The following GRM7 variants were observed in gnomAD, a reference collection of about 807,000 sequenced individuals.
GRM7 encodes the protein metabotropic glutamate receptor 7.
A neutral mutation model predicts 84.5 loss-of-function variants in GRM7; 35 were observed. The ratio of observed to expected loss-of-function variants is 0.41; its 90% CI spans 0.32 to 0.55. The LOEUF (loss-of-function observed/expected upper bound fraction) is 0.55. Ranked by LOEUF, GRM7 falls within the 20% of genes least tolerant of loss-of-function variation. The pLI is 0.19. For missense variants in GRM7, 1,003 were observed against 1,194.6 expected (o/e 0.84, Z 2.36); for synonymous variants, 487 against 455.1 (o/e 1.07, Z -0.89).
chr3:7,100,817 C>T (rs1184067286), intron 1 of GRM7, among the ~76,000 whole-genome samples: 3 of 151,796 alleles, frequency 2.0e-5, no homozygotes, highest in South Asian at 2.1e-4. Flanking sequence ...AAAGGCAAAT[C>T]GTGTTCTGAC....
At chr3:7,489,539 T>G (rs1176461892) in intron 7 of GRM7, among the ~76,000 whole-genome samples, 1 of 152,184 alleles carries the variant, frequency 6.6e-6, no homozygotes, top group South Asian at 2.1e-4. Context: ...ATGACAGACA[T>G]GACATCTATC....
chr3:7,622,239 T>A (rs1697393791), intron 8 of GRM7, among the ~76,000 whole-genome samples: 1 of 152,074 alleles, frequency 6.6e-6, no homozygotes, highest in Admixed American at 6.6e-5. Context: ...AAGCACCCAC[T>A]CTTTGGTAGG....
At chr3:6,977,498 C>T (rs1314474236) in intron 1 of GRM7, among the ~76,000 whole-genome samples, 5 of 152,028 alleles carry the variant, frequency 3.3e-5, no homozygotes, top group African/African-American at 1.2e-4. Flanking sequence ...TGTCAGAGGT[C>T]ACAAAAGATG....
chr3:7,425,340 G>A (rs1163239400), intron 5 of GRM7, among the ~76,000 whole-genome samples: 2 of 152,180 alleles, frequency 1.3e-5, no homozygotes, highest in Non-Finnish European at 2.9e-5. Context: ...CTAGCAGTCT[G>A]TACAAAGAGA....
At chr3:7,203,017 A>G (rs1379576091) in intron 2 of GRM7, among the ~76,000 whole-genome samples, 1 of 152,260 alleles carries the variant, frequency 6.6e-6, no homozygotes, top group Non-Finnish European at 1.5e-5. Flanking sequence ...AAGTCAGGGT[A>G]GAGGAGGTAT....
At chr3:7,707,853 A>G (rs180757020) in intron 9 of GRM7, among the ~76,000 whole-genome samples, 119 of 150,478 alleles carry the variant, frequency 7.9e-4, no homozygotes, top group Middle Eastern at 3.6e-3. Context: ...AGTTTGCCCC[A>G]TTTGCCATTT....
chr3:7,538,173 A>C (rs572901570), intron 7 of GRM7, among the ~76,000 whole-genome samples: 130 of 152,224 alleles, frequency 8.5e-4, no homozygotes, highest in Non-Finnish European at 1.6e-3. Flanking sequence ...GCAATGACAC[A>C]ATTTCAGCTC....
intron 1 of GRM7, among the ~76,000 whole-genome samples, chr3:7,121,299 A>C (rs997531143): frequency 6.6e-6 from 1 of 151,658 alleles, no homozygotes; most frequent in African/African-American, 2.4e-5. Context: ...AGATTCTCTG[A>C]GATGTTTTTT....
At chr3:7,436,647 T>C (rs373385007) in intron 5 of GRM7, among the ~76,000 whole-genome samples, 2 of 152,208 alleles carry the variant, frequency 1.3e-5, no homozygotes, top group Non-Finnish European at 2.9e-5. Context: ...TGCTGTTTTC[T>C]AGAAGACAGT....
intron 2 of GRM7, among the ~76,000 whole-genome samples, chr3:7,291,875 C>T (rs1699641482): frequency 6.6e-6 from 1 of 152,106 alleles, no homozygotes; most frequent in African/African-American, 2.4e-5. Context: ...GGGAGGGGCC[C>T]AGTGGGAGAT....
intron 2 of GRM7, among the ~76,000 whole-genome samples, chr3:7,214,055 GA>G (rs1387929733): frequency 6.7e-6 from 1 of 149,370 alleles, no homozygotes; most frequent in Non-Finnish European, 1.5e-5. Context: ...ACGTTTGCCT[GA>G]AAAATTTTAT....
chr3:7,464,210 C>T (rs970292782), intron 7 of GRM7, among the ~76,000 whole-genome samples: 1 of 151,700 alleles, frequency 6.6e-6, no homozygotes, highest in South Asian at 2.1e-4. Flanking sequence ...GGCTCAGGGA[C>T]ATGTGTGATA....
intron 1 of GRM7, among the ~76,000 whole-genome samples, chr3:7,103,630 A>C (rs1203143167): frequency 1.3e-5 from 2 of 151,538 alleles, no homozygotes; most frequent in Non-Finnish European, 3.0e-5. Flanking sequence ...ATATTTTCCT[A>C]TCTCTACTTC....
intron 2 of GRM7, among the ~76,000 whole-genome samples, chr3:7,214,040 A>G (rs567802449): frequency 6.6e-6 from 1 of 152,250 alleles, no homozygotes; most frequent in South Asian, 2.1e-4. Context: ...CTACTTGAAA[A>G]AGATACGTTT....
Position 7,306,509 on chromosome 3 carries a change from C to A in GRM7, c.890C>A (p.Ala297Glu). Residue 297 changes from alanine (A) to glutamate (E), a missense_variant, in exon 4 of 10, where the codon GCA becomes GAA. Around this residue, in one of 2 missense-constraint regions of GRM7, gnomAD observed 910 missense variants for 1,126.0 expected, o/e 0.81. Coordinates refer to ENST00000357716, the MANE Select transcript of GRM7 (RefSeq NM_000844.4). ...ANDEDIKQILAAAKRADQVGH... is the reference protein window; with the variant it reads ...ANDEDIKQILEAAKRADQVGH... ...ATTTCTTTCCACAGGCAGATCCTTGCAGCAGCCAAAAGAGCTGACCAAGTT... is the reference window on the plus strand; with the variant it reads ...ATTTCTTTCCACAGGCAGATCCTTGAAGCAGCCAAAAGAGCTGACCAAGTT... The A allele has an allele frequency of 2.5e-6, 4 of 1,613,674 alleles. No individual in the cohort carries two copies. Among genetic ancestry groups the A allele is most frequent in the Non-Finnish European group, 3.4e-6 (4 of 1,179,642 alleles).
chr3:6,888,954 G>A (rs1695818601), intron 1 of GRM7, among the ~76,000 whole-genome samples: 2 of 152,218 alleles, frequency 1.3e-5, no homozygotes, highest in Admixed American at 6.5e-5. Flanking sequence ...CACATCCCTT[G>A]TAAGTTGGAT....
At chr3:7,264,688 C>A (rs1698567956) in intron 2 of GRM7, among the ~76,000 whole-genome samples, 1 of 152,114 alleles carries the variant, frequency 6.6e-6, no homozygotes, top group African/African-American at 2.4e-5. Context: ...CCAGATGTTC[C>A]TCGTGGTTGT....
At chr3:7,203,958 T>C (rs2124824487) in intron 2 of GRM7, among the ~76,000 whole-genome samples, 1 of 152,334 alleles carries the variant, frequency 6.6e-6, no homozygotes, top group East Asian at 1.9e-4. Context: ...TAGTCAGTTA[T>C]ATGGGAACAG....
At chr3:7,694,434 C>T (rs939584466) in intron 9 of GRM7, 13 of 941,106 alleles carry the variant, frequency 1.4e-5, no homozygotes, top group Non-Finnish European at 1.6e-5. Flanking sequence ...TCCTGTACCA[C>T]ACATAATAAA....
Sources: allele counts gnomAD v4.1 joint callset (sites outside exome capture counted in the v4.1 genomes callset), GRCh38; gene constraint gnomAD v4.1.1; regional missense constraint gnomAD v4.1.1; transcripts MANE v1.5; gene names NCBI Gene and HGNC (gene_info 2026-07-23, HGNC 2026-07-21).